CNTNAP3B: variants seen among roughly 807,000 people sequenced by gnomAD.
The protein encoded by CNTNAP3B is contactin associated protein family member 3B, also known as contactin-associated protein-like 3B.
Under a neutral mutation model 108.9 loss-of-function variants are expected in CNTNAP3B, and 25 were observed. The ratio of observed to expected loss-of-function variants is 0.23; its 90% CI spans 0.17 to 0.32. The LOEUF (loss-of-function observed/expected upper bound fraction) is 0.32, where lower values mean the gene tolerates loss of function less well. Ranked by LOEUF, CNTNAP3B falls within the 10% of genes least tolerant of loss-of-function variation. The pLI is 1.00. For missense variants in CNTNAP3B, 252 were observed against 1,210.4 expected, an observed-to-expected ratio of 0.21 and a Z score of 11.75; for synonymous variants, 103 against 473.4, an observed-to-expected ratio of 0.22 and a Z score of 10.16.
Position 41,921,077 on chromosome 9 carries a change from C to T in CNTNAP3B, c.2756-768G>A, listed in dbSNP as rs1338620907. 3.1e-4 allele frequency among the ~76,000 whole-genome samples: 47 copies of T among 152,338 alleles called. No individual in the cohort carries two copies. The East Asian group carries it at 8.0e-3, about 26-fold the overall frequency. ...TTCTGGAAAATGCAGTTTTTAGCCT[C>T]CTCCCAGAGATTCCAATTCGGTGGG... On this transcript the variant is annotated intron_variant, in intron 17 of 23. Transcript: ENST00000377561.
chr9:42,026,549 G>T (rs559446222), intron 3 of CNTNAP3B, among the ~76,000 whole-genome samples: 2 of 93,868 alleles, frequency 2.1e-5, no homozygotes, highest in Admixed American at 1.1e-4. Flanking sequence ...ATGGCTCCAC[G>T]GCACGGCACT....
chr9:42,045,764 C>T (rs1430802947), intron 3 of CNTNAP3B, among the ~76,000 whole-genome samples: 2 of 144,132 alleles, frequency 1.4e-5, no homozygotes, highest in Admixed American at 1.4e-4. Context: ...TTCAGCTTGA[C>T]ATTCACACCT....
intron 3 of CNTNAP3B, among the ~76,000 whole-genome samples, chr9:42,063,888 A>G (rs1248982560): frequency 6.7e-6 from 1 of 150,308 alleles, no homozygotes; most frequent in Non-Finnish European, 1.5e-5. Flanking sequence ...CACCCAGCCT[A>G]TTGTTTCTTT....
intron 13 of CNTNAP3B, among the ~76,000 whole-genome samples, chr9:41,943,480 G>C (rs1206071111): frequency 6.6e-6 from 1 of 151,824 alleles, no homozygotes. Context: ...AGCCTCCCGA[G>C]TAGCTGGGAC....
At chr9:42,042,405 C>T (rs1826779378) in intron 3 of CNTNAP3B, among the ~76,000 whole-genome samples, 1 of 139,460 alleles carries the variant, frequency 7.2e-6, no homozygotes, top group South Asian at 2.3e-4. Flanking sequence ...TTCAGAATAA[C>T]TTTCTAGGGA....
chr9:41,930,446 G>A (rs1309757253), intron 14 of CNTNAP3B, among the ~76,000 whole-genome samples: 1 of 151,674 alleles, frequency 6.6e-6, no homozygotes, highest in African/African-American at 2.4e-5. Flanking sequence ...GGGAGGCTGA[G>A]GTGGGAGGAT....
chr9:41,953,557 C>T (rs1408457491), intron 12 of CNTNAP3B, among the ~76,000 whole-genome samples, 171 bp from the exon 13 acceptor site: 1 of 151,384 alleles, frequency 6.6e-6, no homozygotes, highest in African/African-American at 2.4e-5. Context: ...CAGAACTCAG[C>T]CTCTAAGAGA....
At chr9:41,947,990 A>C (rs1329914361) in intron 13 of CNTNAP3B, among the ~76,000 whole-genome samples, 1 of 151,218 alleles carries the variant, frequency 6.6e-6, no homozygotes, top group African/African-American at 2.4e-5. Flanking sequence ...TAATTTAAGT[A>C]ATTGTAATTA....
At chr9:41,934,505 G>A (rs1439073266) in intron 14 of CNTNAP3B, among the ~76,000 whole-genome samples, 1 of 152,260 alleles carries the variant, frequency 6.6e-6, no homozygotes, top group Non-Finnish European at 1.5e-5. Context: ...ACAGGCGTGA[G>A]CCACGGCGCC....
At chr9:42,041,879 A>G (rs1826766842) in intron 3 of CNTNAP3B, among the ~76,000 whole-genome samples, 1 of 145,616 alleles carries the variant, frequency 6.9e-6, no homozygotes, top group Non-Finnish European at 1.5e-5. Flanking sequence ...AATGTGGCAC[A>G]TATACACCAT....
intron 10 of CNTNAP3B, among the ~76,000 whole-genome samples, chr9:41,967,388 TC>T (rs1421802690): frequency 1.3e-5 from 2 of 151,346 alleles, no homozygotes; most frequent in African/African-American, 4.9e-5. Context: ...ATAAGACGTG[TC>T]TTGTTTCTCC....
intron 23 of CNTNAP3B, among the ~76,000 whole-genome samples, 159 bp from the exon 24 acceptor site, chr9:41,894,269 G>A (rs1343250334): frequency 0.022 from 2,729 of 122,116 alleles, 80 homozygotes; most frequent in South Asian, 0.044. Flanking sequence ...CCACTCCACC[G>A]TTCAGCTTAT....
chr9:42,021,890 G>A (rs1826316861), intron 3 of CNTNAP3B, among the ~76,000 whole-genome samples: 1 of 134,916 alleles, frequency 7.4e-6, no homozygotes, highest in Non-Finnish European at 1.6e-5. Context: ...CAAAATTATG[G>A]CAATGGGGAG....
chr9:42,087,850 T>C (rs2118655444), intron 2 of CNTNAP3B, among the ~76,000 whole-genome samples: 1 of 125,108 alleles, frequency 8.0e-6, no homozygotes, highest in Non-Finnish European at 1.7e-5. Context: ...GAAATTCCAC[T>C]CCCAAAAGCG....
At chr9:42,073,033 G>A (rs1300132939) in intron 3 of CNTNAP3B, among the ~76,000 whole-genome samples, 2 of 139,708 alleles carry the variant, frequency 1.4e-5, no homozygotes, top group African/African-American at 5.7e-5. Flanking sequence ...AAATAAATTT[G>A]GGTCTGCTTA....
At chr9:42,120,107 A>G (rs1446832623) in intron 1 of CNTNAP3B, among the ~76,000 whole-genome samples, 3 of 150,740 alleles carry the variant, frequency 2.0e-5, no homozygotes, top group Non-Finnish European at 4.4e-5. Context: ...AGAATCTACA[A>G]TGAACTCAAA....
chr9:42,110,620 C>G lies in CNTNAP3B; in HGVS notation c.86-5881G>C, dbSNP rs1828176805. On this transcript the variant is annotated intron_variant, in intron 1 of 23. Transcript: ENST00000377561. Reference sequence around the variant, plus strand: ...TTCACTAACTCCACAGCAGGCTTCTCTCTGGTTCCACATATTGAGTCAGCA... The same window carrying G: ...TTCACTAACTCCACAGCAGGCTTCTGTCTGGTTCCACATATTGAGTCAGCA... Among the ~76,000 whole-genome samples the G allele has an allele frequency of 2.2e-5, 3 of 137,564 alleles. 1 individual carries two copies. Among genetic ancestry groups the G allele is most frequent in the Admixed American group, 7.2e-5 (1 of 13,812 alleles). 90.2% of individuals were successfully genotyped at this position (137,564 alleles called of 152,430 possible).
intron 2 of CNTNAP3B, among the ~76,000 whole-genome samples, chr9:42,089,352 T>C (rs1370468549): frequency 8.5e-6 from 1 of 118,232 alleles, no homozygotes; most frequent in Non-Finnish European, 1.8e-5. Flanking sequence ...TCAATTTCTA[T>C]CCTCTAGATT....
intron 14 of CNTNAP3B, among the ~76,000 whole-genome samples, chr9:41,932,442 T>C (rs1824005159): frequency 2.6e-5 from 4 of 151,762 alleles, no homozygotes; most frequent in Admixed American, 2.6e-4. Flanking sequence ...TAAGGCAAAG[T>C]AGAGCCATAA....
Sources: allele counts gnomAD v4.1 joint callset (sites outside exome capture counted in the v4.1 genomes callset), GRCh38; gene constraint gnomAD v4.1.1; transcripts MANE v1.5; gene names NCBI Gene and HGNC (gene_info 2026-07-23, HGNC 2026-07-21).